The following CCDC14 variants were observed in gnomAD, a reference collection of about 807,000 sequenced individuals.
CCDC14 encodes the protein coiled-coil domain-containing protein 14.
Under a neutral mutation model 81.4 loss-of-function variants are expected in CCDC14, and 71 were observed. The observed-to-expected ratio is 0.87, with a 90% CI of 0.72 to 1.06. The LOEUF (loss-of-function observed/expected upper bound fraction) is 1.06, where lower values mean the gene tolerates loss of function less well. Among genes scored for constraint, CCDC14 ranks in the 50% least tolerant of loss-of-function variants. The probability of loss-of-function intolerance (pLI) is 0.00; values close to 1 mark genes in which losing one functional copy is unlikely to be tolerated. For synonymous variants in CCDC14, 332 were observed against 364.8 expected, an observed-to-expected ratio of 0.91 and a Z score of 1.03; for missense variants, 1,046 against 1,047.3, an observed-to-expected ratio of 1.00 and a Z score of 0.02.
Position 123,947,098 on chromosome 3 carries a change from A to G in CCDC14, c.906T>C (p.Cys302=). The G allele has an allele frequency of 6.2e-7, 1 of 1,613,976 alleles. No individual in the cohort carries two copies. The highest frequency in any genetic ancestry group is 8.5e-7 in the Non-Finnish European group (1 of 1,179,880). ...GIHKETDLLK[C]IQTYLSLFRS... The stretch of plus-strand genomic sequence containing the variant: ...GAAAAAGAGACAAATATGTTTGAAT[A>G]CATTTTAGTAGGTCTGTTTCCTTAT... The change falls in exon 8 of 13, where the codon TGT becomes TGC. Residue 302 remains cysteine, a synonymous_variant. Transcript: ENST00000409697.
chr3:123,899,271 G>C (rs1408146642), intron 5 of CCDC14, among the ~76,000 whole-genome samples: 1 of 152,142 alleles, frequency 6.6e-6, no homozygotes, highest in African/African-American at 2.4e-5. Flanking sequence ...AACTGCTGTT[G>C]GTATATGAGA....
downstream of CCDC14, among the ~76,000 whole-genome samples, chr3:123,896,449 C>A (rs969277359): frequency 6.6e-6 from 1 of 152,094 alleles, no homozygotes; most frequent in Non-Finnish European, 1.5e-5. Flanking sequence ...AGACACACAA[C>A]GGAAAATTAT....
chr3:123,934,262 C>A, intron 9 of CCDC14, among the ~76,000 whole-genome samples: 1 of 87,816 alleles, frequency 1.1e-5, no homozygotes, highest in Admixed American at 1.7e-4. Context: ...AAGAGTGAGA[C>A]TCTGCCTCAA....
the CCDC14 span, among the ~76,000 whole-genome samples, chr3:123,885,501 C>T: frequency 1.3e-5 from 2 of 149,700 alleles, no homozygotes; most frequent in Admixed American, 6.6e-5. Context: ...ATTTGATTTG[C>T]CTTTTCAGTC....
chr3:123,911,026 ATT>A (rs1251413246), downstream of CCDC14, among the ~76,000 whole-genome samples: 1 of 152,180 alleles, frequency 6.6e-6, no homozygotes, highest in Non-Finnish European at 1.5e-5. Flanking sequence ...ATAAATAAAA[ATT>A]TGTCAGGAGG....
At chr3:123,923,718 ATTAG>A (rs1296531373) in intron 12 of CCDC14, among the ~76,000 whole-genome samples, 1 of 151,182 alleles carries the variant, frequency 6.6e-6, no homozygotes. Flanking sequence ...CACATATATT[ATTAG>A]TATTTACTAA....
intron 12 of CCDC14, among the ~76,000 whole-genome samples, chr3:123,921,180 G>C (rs1315881301): frequency 6.6e-6 from 1 of 152,218 alleles, no homozygotes; most frequent in Non-Finnish European, 1.5e-5. Context: ...AATGGCAGTA[G>C]CAAGTCCTTG....
At position 123,901,995 on chromosome 3, in the gene CCDC14, A is replaced by G. The variant is rs1406957526; in HGVS notation, c.668-4382T>C. 1.2e-4 allele frequency among the ~76,000 whole-genome samples: 19 copies of G among 152,342 alleles called. No individual in the cohort carries two copies. In the East Asian group the frequency reaches 3.5e-3, roughly 28 times the overall value. On this transcript the variant is annotated intron_variant, in intron 5 of 5. Coordinates refer to the CCDC14 transcript ENST00000479903. ...AACACCCATCACACTGGCAAACATA[A>G]TAACAGACATAGTAAAGCTTCCAAA...
intron 12 of CCDC14, among the ~76,000 whole-genome samples, chr3:123,924,526 T>C (rs959616313): frequency 1.3e-5 from 2 of 152,068 alleles, no homozygotes; most frequent in South Asian, 2.1e-4. Flanking sequence ...GAGAAATATA[T>C]GCAAACCGTA....
intron 3 of CCDC14, 42 bp from the exon 4 acceptor site, chr3:123,956,157 TGTTA>T: frequency 6.9e-7 from 1 of 1,458,184 alleles, no homozygotes; most frequent in East Asian, 2.5e-5. Context: ...TGTATATGAC[TGTTA>T]GTGTAGGAAA....
In CCDC14 at chr3:123,951,493, A is replaced by G. The variant is rs534255424; in HGVS notation, c.353-2361T>C. 2.0e-5 allele frequency among the ~76,000 whole-genome samples: 3 copies of G among 152,344 alleles called. No homozygotes were observed. In the South Asian group the frequency reaches 6.2e-4, roughly 32 times the overall value. On this transcript the variant is annotated intron_variant, in intron 5 of 12. Coordinates refer to ENST00000409697, the MANE Select transcript of CCDC14 (RefSeq NM_001366335.1). The stretch of plus-strand genomic sequence containing the variant: ...GAAATACAATTTTATAATAAATCAA[A>G]TGGAAAAGTGCCCTCTAAAATATTT...
In CCDC14 at chr3:123,914,034, A is replaced by G. The variant is rs990473219; in HGVS notation, c.*745T>C. On this transcript the variant is annotated 3_prime_UTR_variant, in exon 13 of 13. Transcript: ENST00000409697. ...TTTACAAATTCCATCATGTTTAAAT[A>G]TAAGGACAAAAATAAACATTTCTTA... 7 of 984,866 alleles carry G rather than the reference A, an allele frequency of 7.1e-6. No homozygotes were observed. The East Asian group carries it at 6.8e-4, about 96-fold the overall frequency. The allele number at this position is 984,866 out of a possible 1,614,324, so 61.0% of individuals were successfully genotyped here.
chr3:123,920,554 C>T (rs948720588), intron 12 of CCDC14, among the ~76,000 whole-genome samples: 2 of 152,200 alleles, frequency 1.3e-5, no homozygotes, highest in Non-Finnish European at 2.9e-5. Context: ...CAGTGGACTT[C>T]TCAACAAAAA....
Position 123,947,067 on chromosome 3 carries a change from GA to G in CCDC14, c.936del (p.His313MetfsTer45). Reference protein sequence around the residue: ...CIQTYLSLFRSHGKETHLDSQ... With the variant: ...CIQTYLSLFRXHGKETHLDSQ... ...CTGTCCAGATGCGTTTCTTTTCCAT[GA>G]GATCGAAAAAGAGACAAATATGTTT... On this transcript the variant is annotated frameshift_variant, in exon 8 of 13. Transcript: ENST00000409697. LOFTEE classifies it high-confidence loss of function. The G allele has an allele frequency of 6.2e-7, 1 of 1,613,964 alleles. No homozygotes were observed. The highest frequency in any genetic ancestry group is 8.5e-7 in the Non-Finnish European group (1 of 1,179,874).
At chr3:123,892,590 G>A (rs4678066), downstream of CCDC14, among the ~76,000 whole-genome samples, 133,610 of 152,094 alleles carry the variant, frequency 0.88, 58,926 homozygotes, top group East Asian at 0.98. Flanking sequence ...CTTTACTACC[G>A]TATGGTCAGG....
intron 9 of CCDC14, among the ~76,000 whole-genome samples, chr3:123,941,658 T>C (rs1375432755): frequency 3.9e-5 from 6 of 151,972 alleles, no homozygotes; most frequent in Non-Finnish European, 8.8e-5. Flanking sequence ...GAAGGTCAAG[T>C]AAACAACAGT....
At chr3:123,921,531 G>A (rs1194955342) in intron 12 of CCDC14, among the ~76,000 whole-genome samples, 2 of 152,158 alleles carry the variant, frequency 1.3e-5, no homozygotes, top group Non-Finnish European at 2.9e-5. Context: ...ACTATTAAAT[G>A]ATCTGAAGGG....
chr3:123,890,611 AACCAGGTCAC>A, the CCDC14 span, among the ~76,000 whole-genome samples: 1 of 152,164 alleles, frequency 6.6e-6, no homozygotes, highest in Non-Finnish European at 1.5e-5. Context: ...CATGTCTCAC[AACCAGGTCAC>A]ACTGATGTGA....
In CCDC14 at chr3:123,956,864, C is replaced by T. The variant is rs2037354054; in HGVS notation, c.31-69G>A. 5 of 1,026,194 alleles carry T rather than the reference C, an allele frequency of 4.9e-6. No individual in the cohort carries two copies. In the African/African-American group the frequency reaches 6.7e-5, roughly 14 times the overall value. 63.6% of individuals were successfully genotyped at this position (1,026,194 alleles called of 1,614,324 possible). ...TTATATTTTCAATATGCTATCTTGA[C>T]AAAATTTAATGTCATTTTTTTCTTT... On this transcript the variant is annotated intron_variant, in intron 1 of 12. Coordinates refer to ENST00000409697, the MANE Select transcript of CCDC14 (RefSeq NM_001366335.1).
Sources: allele counts gnomAD v4.1 joint callset (sites outside exome capture counted in the v4.1 genomes callset), GRCh38; gene constraint gnomAD v4.1.1; transcripts MANE v1.5; gene names NCBI Gene and HGNC (gene_info 2026-07-23, HGNC 2026-07-21).